The following UBP1 variants were observed in gnomAD, a reference collection of about 807,000 sequenced individuals.
UBP1 encodes the protein upstream binding protein 1, also known as upstream-binding protein 1.
Under a neutral mutation model 76.1 loss-of-function variants are expected in UBP1, and 22 were observed. The observed-to-expected ratio is 0.29, with a 90% CI of 0.21 to 0.41. The LOEUF is 0.41. Ranked by LOEUF, UBP1 falls within the 10% of genes least tolerant of loss-of-function variation. The probability of loss-of-function intolerance (pLI) is 1.00; values close to 1 mark genes in which losing one functional copy is unlikely to be tolerated. For synonymous variants in UBP1, 224 were observed against 237.1 expected (o/e 0.94, Z 0.51); for missense variants, 436 against 668.1 (o/e 0.65, Z 3.83).
chr3:33,412,837 A>C lies in UBP1; in HGVS notation c.343-10T>G. The C allele has an allele frequency of 1.3e-6, 2 of 1,593,726 alleles. No individual in the cohort carries two copies. The highest frequency in any genetic ancestry group is 1.7e-6 in the Non-Finnish European group (2 of 1,161,462). On this transcript the variant is annotated splice_polypyrimidine_tract_variant and intron_variant, in intron 3 of 15. Transcript: ENST00000283629. Reference sequence around the variant, plus strand: ...CAACCCTTATGATGCTCTGTGGAATAAGTGCGGAAAATGAGTACTTTTAAA... The same window carrying C: ...CAACCCTTATGATGCTCTGTGGAATCAGTGCGGAAAATGAGTACTTTTAAA...
At chr3:33,434,450 A>G (rs550991923) in intron 1 of UBP1, among the ~76,000 whole-genome samples, 34 of 151,218 alleles carry the variant, frequency 2.2e-4, no homozygotes, top group South Asian at 1.3e-3. Context: ...CGCATGCGCT[A>G]CCATGCCCAG....
chr3:33,423,282 GC>G (rs2044949270), intron 2 of UBP1, among the ~76,000 whole-genome samples: 3 of 152,130 alleles, frequency 2.0e-5, no homozygotes, highest in African/African-American at 7.2e-5. Flanking sequence ...TCATGGATCC[GC>G]CCACCTTGGC....
chr3:33,410,079 T>C (rs745321166), intron 5 of UBP1, among the ~76,000 whole-genome samples: 17 of 152,232 alleles, frequency 1.1e-4, no homozygotes, highest in African/African-American at 1.7e-4. Context: ...CAATTTGTGA[T>C]ACTTTGCCTG....
chr3:33,403,793 C>G (rs535788854), intron 8 of UBP1: 2 of 152,180 alleles, frequency 1.3e-5, no homozygotes, highest in Non-Finnish European at 2.9e-5. Context: ...AGTCTTCAGA[C>G]TTGAGATACA....
At chr3:33,409,650 AT>A (rs745447468) in intron 5 of UBP1, 49 bp from the exon 6 acceptor site, 3 of 1,611,758 alleles carry the variant, frequency 1.9e-6, no homozygotes, top group African/African-American at 2.7e-5. Context: ...TCCACTGGTT[AT>A]TTTTCTATTT....
intron 2 of UBP1, among the ~76,000 whole-genome samples, chr3:33,425,005 A>T (rs918358511): frequency 2.0e-5 from 3 of 152,132 alleles, no homozygotes; most frequent in Non-Finnish European, 1.5e-5. Context: ...AGATTGCGCC[A>T]CTGCACTCCA....
At chr3:33,434,568 T>C (rs2045173086) in intron 1 of UBP1, among the ~76,000 whole-genome samples, 1 of 151,892 alleles carries the variant, frequency 6.6e-6, no homozygotes, top group Non-Finnish European at 1.5e-5. Flanking sequence ...ATTACAAGCG[T>C]GAGCCACTGC....
chr3:33,398,731 GAT>G (rs1297552399), intron 11 of UBP1, among the ~76,000 whole-genome samples: 1 of 152,232 alleles, frequency 6.6e-6, no homozygotes, highest in South Asian at 2.1e-4. Flanking sequence ...AAACTCACCA[GAT>G]AGAAACATGG....
chr3:33,426,149 T>G (rs2045014290), intron 1 of UBP1, among the ~76,000 whole-genome samples: 1 of 151,506 alleles, frequency 6.6e-6, no homozygotes, highest in African/African-American at 2.4e-5. Flanking sequence ...ATAATACTGC[T>G]GCCAAAGGTA....
At chr3:33,399,470 A>G (rs537226781) in intron 11 of UBP1, among the ~76,000 whole-genome samples, 1 of 152,348 alleles carries the variant, frequency 6.6e-6, no homozygotes, top group African/African-American at 2.4e-5. Flanking sequence ...ATGAAACACT[A>G]CTTAGCAGTA....
chr3:33,438,462 G>A (rs1295104217), intron 1 of UBP1, among the ~76,000 whole-genome samples: 2 of 152,172 alleles, frequency 1.3e-5, no homozygotes, highest in East Asian at 1.9e-4. Context: ...CCCCTCTGGG[G>A]TGACTCCATG....
intron 3 of UBP1, among the ~76,000 whole-genome samples, chr3:33,414,593 G>A (rs946039354): frequency 6.6e-6 from 1 of 152,146 alleles, no homozygotes; most frequent in African/African-American, 2.4e-5. Flanking sequence ...CCTAGGGCCA[G>A]GAAATAAAAC....
intron 2 of UBP1, among the ~76,000 whole-genome samples, chr3:33,423,507 G>A (rs544879684): frequency 6.6e-6 from 1 of 152,108 alleles, no homozygotes; most frequent in Admixed American, 6.6e-5. Context: ...CAGAATAAAG[G>A]ACAAGAAAAT....
chr3:33,418,274 CAGGG>C (rs1280472655), intron 2 of UBP1, among the ~76,000 whole-genome samples: 5 of 151,946 alleles, frequency 3.3e-5, no homozygotes, highest in Non-Finnish European at 5.9e-5. Flanking sequence ...TTTATTTTGA[CAGGG>C]AGCTTCGTTC....
chr3:33,396,794 A>C (rs1266895104), intron 12 of UBP1: 1 of 648,472 alleles, frequency 1.5e-6, no homozygotes, highest in Non-Finnish European at 2.9e-6. Context: ...CGTCTTCAAG[A>C]AATCAGTACT....
chr3:33,392,711 A>C, intron 14 of UBP1, 97 bp from the exon 15 acceptor site: 1 of 1,174,530 alleles, frequency 8.5e-7, no homozygotes, highest in Non-Finnish European at 1.2e-6. Context: ...AAACAAACAC[A>C]GGACTCAATG....
chr3:33,440,686 C>T (rs920802852), upstream of UBP1: 1 of 152,296 alleles, frequency 6.6e-6, no homozygotes, highest in Admixed American at 6.5e-5. Context: ...CCTGCAAGGG[C>T]TTGGACGAAG....
chr3:33,408,003 C>T (rs1289117569), intron 8 of UBP1, among the ~76,000 whole-genome samples: 1 of 152,114 alleles, frequency 6.6e-6, no homozygotes, highest in Admixed American at 6.5e-5. Flanking sequence ...AACCAGATGC[C>T]CCCTGACTGC....
intron 8 of UBP1, among the ~76,000 whole-genome samples, chr3:33,407,661 G>A (rs553125555): frequency 9.0e-4 from 137 of 151,778 alleles, no homozygotes; most frequent in Non-Finnish European, 1.1e-3. Context: ...ATTTTTATTC[G>A]ATACTATAAT....
Sources: allele counts gnomAD v4.1 joint callset (sites outside exome capture counted in the v4.1 genomes callset), GRCh38; gene constraint gnomAD v4.1.1; transcripts MANE v1.5; gene names NCBI Gene and HGNC (gene_info 2026-07-23, HGNC 2026-07-21).